WDFY3: variants seen among roughly 807,000 people sequenced by gnomAD.
WDFY3 encodes the protein WD repeat and FYVE domain-containing protein 3.
WDFY3 carries 66 observed loss-of-function variants against 409.6 expected under a neutral mutation model. The ratio of observed to expected loss-of-function variants is 0.16; its 90% CI spans 0.13 to 0.20. The LOEUF (loss-of-function observed/expected upper bound fraction) is 0.20. WDFY3 is among the 10% of genes least tolerant of loss of function. WDFY3 has a pLI of 1.00. For synonymous variants in WDFY3, 1,521 were observed against 1,537.1 expected (o/e 0.99, Z 0.25); for missense variants, 3,031 against 4,298.1 (o/e 0.71, Z 8.24).
chr4:84,684,068 G>C lies in WDFY3; in HGVS notation c.9601C>G (p.Pro3201Ala). The C allele has an allele frequency of 6.2e-7, 1 of 1,612,652 alleles. No homozygotes were observed. The highest frequency in any genetic ancestry group is 8.5e-7 in the Non-Finnish European group (1 of 1,178,876). Residue 3201 changes from proline to alanine, a missense_variant, in exon 63 of 68, where the codon CCT becomes GCT. By Grantham distance (27) the Pro-to-Ala change is conservative. Coordinates refer to ENST00000295888, the MANE Select transcript of WDFY3 (RefSeq NM_014991.6). Reference sequence around the variant, plus strand: ...GTGAACGTGTTGACACTCACGATAGGGTTCCCATTGATGCTCCACACATGG... The same window carrying C: ...GTGAACGTGTTGACACTCACGATAGCGTTCCCATTGATGCTCCACACATGG... ...YIHVWSINGN[P>A]IVSVNTFTGR... is the part of the protein sequence containing the mutation.
At chr4:84,797,028 A>G (rs2149597113) in intron 18 of WDFY3, among the ~76,000 whole-genome samples, 1 of 152,340 alleles carries the variant, frequency 6.6e-6, no homozygotes, top group African/African-American at 2.4e-5. Flanking sequence ...AGCCACTGAT[A>G]CAATGTAATT....
chr4:84,721,696 T>C lies in WDFY3; in HGVS notation c.7442-124A>G, dbSNP rs80288286. ...GACAATTTTGGAAGGTATAGGGAGG[T>C]AGCACATTCAGTGGTTAAGAACATA... On this transcript the variant is annotated intron_variant, in intron 46 of 67. Coordinates refer to ENST00000295888, the MANE Select transcript of WDFY3 (RefSeq NM_014991.6). 2,009 of 1,116,728 alleles carry C rather than the reference T, an allele frequency of 1.8e-3. 31 individuals carry two copies. In the African/African-American group the frequency reaches 0.028, roughly 16 times the overall value. The allele number at this position is 1,116,728 out of a possible 1,614,324, so 69.2% of individuals were successfully genotyped here. A position where few individuals can be genotyped will look rare whatever the true frequency, so the allele number is the denominator to read the frequency against.
intron 37 of WDFY3, 127 bp from the exon 38 acceptor site, chr4:84,742,048 G>C: frequency 2.6e-6 from 2 of 766,632 alleles, no homozygotes; most frequent in Non-Finnish European, 3.9e-6. Context: ...ATGACTACTA[G>C]CTTTTATGCA....
intron 32 of WDFY3, among the ~76,000 whole-genome samples, chr4:84,760,634 G>T (rs1359121930): frequency 6.6e-6 from 1 of 152,150 alleles, no homozygotes; most frequent in Non-Finnish European, 1.5e-5. Flanking sequence ...TTGTATTTCT[G>T]TGGGATTGGT....
intron 4 of WDFY3, among the ~76,000 whole-genome samples, chr4:84,858,791 G>A (rs975780080): frequency 1.3e-5 from 2 of 151,888 alleles, no homozygotes; most frequent in African/African-American, 2.4e-5. Flanking sequence ...GGGGTGAGGG[G>A]GTGGGTGTGG....
At chr4:84,952,010 C>T (rs1285882327) in intron 1 of WDFY3, among the ~76,000 whole-genome samples, 1 of 152,138 alleles carries the variant, frequency 6.6e-6, no homozygotes, top group Non-Finnish European at 1.5e-5. Flanking sequence ...CTAAGAAAGA[C>T]ACAATACTCT....
intron 19 of WDFY3, 106 bp from the exon 20 acceptor site, chr4:84,795,085 GA>G: frequency 1.3e-6 from 1 of 742,186 alleles, no homozygotes; most frequent in South Asian, 6.7e-5. Flanking sequence ...GGTGACTAGA[GA>G]AAAGATCATG....
intron 10 of WDFY3, among the ~76,000 whole-genome samples, chr4:84,825,072 C>G (rs575251099): frequency 1.3e-5 from 2 of 152,208 alleles, no homozygotes; most frequent in South Asian, 4.1e-4. Flanking sequence ...CACCATAACC[C>G]TGGGAGGTGC....
At chr4:84,786,183 CATCTT>C (rs1747520368) in intron 23 of WDFY3, 44 bp from the exon 24 acceptor site, 1 of 1,530,384 alleles carries the variant, frequency 6.5e-7, no homozygotes, top group African/African-American at 1.4e-5. Flanking sequence ...CAGTAGTTCT[CATCTT>C]AAAGTAAGTT....
At chr4:84,823,444 T>C (rs1484768543) in intron 10 of WDFY3, among the ~76,000 whole-genome samples, 1 of 151,868 alleles carries the variant, frequency 6.6e-6, no homozygotes, top group Non-Finnish European at 1.5e-5. Context: ...AATGAAAAAC[T>C]GGACTTCATC....
intron 2 of WDFY3, among the ~76,000 whole-genome samples, chr4:84,907,022 G>A (rs1303941225): frequency 2.0e-5 from 3 of 151,802 alleles, no homozygotes; most frequent in Non-Finnish European, 4.4e-5. Flanking sequence ...AATATTTTCT[G>A]TCCATGGTTG....
intron 5 of WDFY3, among the ~76,000 whole-genome samples, chr4:84,843,227 T>C (rs945810012): frequency 3.9e-5 from 6 of 152,208 alleles, no homozygotes; most frequent in African/African-American, 1.4e-4. Context: ...TGAGGTTGAA[T>C]GATACAGGGA....
In WDFY3 at chr4:84,850,576, CA is replaced by C. The variant is rs1337677463; in HGVS notation, c.181-552del. Among the ~76,000 whole-genome samples the C allele has an allele frequency of 2.6e-5, 4 of 152,168 alleles. No homozygotes were observed. In the East Asian group the frequency reaches 7.7e-4, roughly 29 times the overall value. On this transcript the variant is annotated intron_variant, in intron 4 of 67. Coordinates refer to ENST00000295888, the MANE Select transcript of WDFY3 (RefSeq NM_014991.6). Reference sequence around the variant, plus strand: ...TGGTGATCCGCCTGCCTCAGCCTCCCAAAGTGCTGGGATTACAGGCGTGAGC... The same window carrying C: ...TGGTGATCCGCCTGCCTCAGCCTCCCAAGTGCTGGGATTACAGGCGTGAGC...
In WDFY3 at chr4:84,777,566, TA is replaced by T. The variant is rs552596345; in HGVS notation, c.4518+936del. Among the ~76,000 whole-genome samples the T allele has an allele frequency of 2.1e-3, 327 of 152,116 alleles. 5 individuals carry two copies. Among genetic ancestry groups the T allele is most frequent in the Non-Finnish European group, 2.6e-4 (18 of 67,942 alleles). On this transcript the variant is annotated intron_variant, in intron 27 of 67. Transcript: ENST00000295888. ...TGAGTACAGGCCATAGATTTTTATT[TA>T]GGGGGAAGCTTCTAGTAAGCTTTGA...
chr4:84,782,025 G>A (rs1233580412), intron 25 of WDFY3, among the ~76,000 whole-genome samples: 1 of 152,028 alleles, frequency 6.6e-6, no homozygotes, highest in Admixed American at 6.6e-5. Context: ...CACAATCACT[G>A]GTTCTGAATT....
intron 10 of WDFY3, 26 bp from the exon 11 acceptor site, chr4:84,821,577 A>C: frequency 6.4e-7 from 1 of 1,571,360 alleles, no homozygotes; most frequent in Non-Finnish European, 8.6e-7. Flanking sequence ...AAAACATAAA[A>C]GTAGGTACTA....
chr4:84,921,021 T>C (rs911973114), intron 2 of WDFY3, among the ~76,000 whole-genome samples: 2 of 152,154 alleles, frequency 1.3e-5, no homozygotes, highest in African/African-American at 2.4e-5. Context: ...CTGTATTTCT[T>C]AATTTGTCCT....
At chr4:84,718,274 T>C in intron 48 of WDFY3, 148 bp downstream of exon 48, 1 of 701,740 alleles carries the variant, frequency 1.4e-6, no homozygotes, top group Non-Finnish European at 2.2e-6. Flanking sequence ...CTGAATATCA[T>C]CTTTGTGAAT....
In WDFY3 at chr4:84,803,430, G is replaced by A. The variant is rs201663734; in HGVS notation, c.2467C>T (p.Pro823Ser). The change falls in exon 16 of 68, where the codon CCT becomes TCT. Residue 823 changes from proline (P) to serine (S), a missense_variant. Pro to Ser is a moderately conservative substitution (Grantham distance 74). Transcript: ENST00000295888. Reference protein sequence around the residue: ...YHSVSTPPVYPPKNVADLKLH... With the variant: ...YHSVSTPPVYSPKNVADLKLH... ...TTCAGGTCGGCAACATTTTTAGGAG[G>A]GTAAACAGGGGGAGTTGAAACAGAA... 4 of 1,613,294 alleles carry A rather than the reference G, an allele frequency of 2.5e-6. No individual in the cohort carries two copies. The highest frequency in any genetic ancestry group is 3.4e-6 in the Non-Finnish European group (4 of 1,179,744).
Sources: allele counts gnomAD v4.1 joint callset (sites outside exome capture counted in the v4.1 genomes callset), GRCh38; gene constraint gnomAD v4.1.1; transcripts MANE v1.5; gene names NCBI Gene and HGNC (gene_info 2026-07-23, HGNC 2026-07-21).